The following NFIA variants were observed in gnomAD, a reference collection of about 807,000 sequenced individuals.
NFIA encodes the protein nuclear factor I A.
A neutral mutation model predicts 62.8 loss-of-function variants in NFIA; 8 were observed. The observed-to-expected ratio is 0.13, with a 90% CI of 0.07 to 0.23. The LOEUF is 0.23. Among genes scored for constraint, NFIA ranks in the 10% least tolerant of loss-of-function variants. The pLI is 1.00. For missense variants in NFIA, 410 were observed against 642.1 expected (o/e 0.64, Z 3.91); for synonymous variants, 235 against 238.1 (o/e 0.99, Z 0.12).
At chr1:61,273,921 A>C (rs1657659676) in intron 2 of NFIA, among the ~76,000 whole-genome samples, 1 of 152,194 alleles carries the variant, frequency 6.6e-6, no homozygotes, top group Admixed American at 6.5e-5. Flanking sequence ...TTACCATACT[A>C]ACATGTTTTT....
At chr1:61,225,420 T>C (rs554635389) in intron 2 of NFIA, among the ~76,000 whole-genome samples, 2 of 152,162 alleles carry the variant, frequency 1.3e-5, no homozygotes, top group South Asian at 4.2e-4. Context: ...CCAGCTAATT[T>C]TTGTATTTTT....
intron 6 of NFIA, among the ~76,000 whole-genome samples, chr1:61,379,379 C>T (rs1664297953): frequency 6.7e-6 from 1 of 149,138 alleles, no homozygotes; most frequent in Non-Finnish European, 1.5e-5. Context: ...TATACCACCA[C>T]ACTCAGCTAA....
chr1:61,329,933 C>G (rs1490115841), intron 3 of NFIA, among the ~76,000 whole-genome samples: 1 of 152,112 alleles, frequency 6.6e-6, no homozygotes, highest in Non-Finnish European at 1.5e-5. Flanking sequence ...GGTCCTGAGC[C>G]ACAGTCGCAG....
chr1:61,424,385 T>TA (rs1489302571), intron 9 of NFIA, among the ~76,000 whole-genome samples: 2 of 150,704 alleles, frequency 1.3e-5, no homozygotes, highest in Non-Finnish European at 3.0e-5. Flanking sequence ...TGGGATCAGT[T>TA]AGCATGCTTG....
At chr1:61,213,743 C>G (rs1348461145) in intron 2 of NFIA, among the ~76,000 whole-genome samples, 2 of 152,148 alleles carry the variant, frequency 1.3e-5, no homozygotes, top group Admixed American at 1.3e-4. Flanking sequence ...TACCAACAAC[C>G]TTGCGATCCG....
intron 2 of NFIA, among the ~76,000 whole-genome samples, chr1:61,168,909 T>C (rs969062126): frequency 2.0e-5 from 3 of 152,206 alleles, no homozygotes; most frequent in Non-Finnish European, 4.4e-5. Flanking sequence ...TGGAAGGCCC[T>C]AAGTTTGTTT....
Position 61,406,716 on chromosome 1 carries a change from C to A in NFIA, c.1409C>A (p.Pro470His). 6.2e-7 allele frequency: 1 copy of A among 1,608,528 alleles called. No homozygotes were observed. The highest frequency in any genetic ancestry group is 1.1e-5 in the South Asian group (1 of 89,608). The change falls in exon 9 of 11, where the codon CCC becomes CAC. Residue 470 changes from proline (P) to histidine (H), a missense_variant. Pro to His is a moderately conservative substitution (Grantham distance 77). Coordinates refer to ENST00000403491, the MANE Select transcript of NFIA (RefSeq NM_001134673.4). The stretch of plus-strand genomic sequence containing the variant: ...TCAACAGAAGGAGGTGCAGCCTCCC[C>A]CACGTCACCAAGTAAGTATGGCTGC... ...TTSTEGGAASPTSPTYSTPST... is the reference protein window; with the variant it reads ...TTSTEGGAASHTSPTYSTPST...
At chr1:61,445,271 G>A (rs985867764) in intron 10 of NFIA, among the ~76,000 whole-genome samples, 11 of 152,108 alleles carry the variant, frequency 7.2e-5, no homozygotes, top group African/African-American at 1.4e-4. Context: ...GGCCCTTCAC[G>A]GAGACTGTCA....
intron 2 of NFIA, among the ~76,000 whole-genome samples, chr1:61,184,965 CTCTGTG>C (rs1651054829): frequency 6.6e-6 from 1 of 152,238 alleles, no homozygotes; most frequent in South Asian, 2.1e-4. Context: ...AAAGTTCCAT[CTCTGTG>C]TCTGAGCAGA....
rs764474973 is a variant in NFIA at position 61,110,321 on chromosome 1, G to A, written c.559+21641G>A. Among the ~76,000 whole-genome samples the A allele has an allele frequency of 9.6e-4, 146 of 151,588 alleles. 1 individual carries two copies. Among genetic ancestry groups the A allele is most frequent in the Non-Finnish European group, 1.7e-3 (117 of 67,832 alleles). On this transcript the variant is annotated intron_variant, in intron 2 of 10. Transcript: ENST00000403491. ...GTCAAAGAGTAACCCAGTGCTTGTC[G>A]AGGGGTAAAGGTATCATTTTTATGC...
At chr1:61,168,087 T>G (rs918866998) in intron 2 of NFIA, among the ~76,000 whole-genome samples, 2 of 152,178 alleles carry the variant, frequency 1.3e-5, no homozygotes, top group Non-Finnish European at 2.9e-5. Context: ...GAGCTTTTTT[T>G]GTGTTACTTT....
intron 2 of NFIA, among the ~76,000 whole-genome samples, chr1:61,090,236 G>T (rs1186760265): frequency 6.6e-6 from 1 of 152,122 alleles, no homozygotes; most frequent in African/African-American, 2.4e-5. Context: ...AAAAGTATAG[G>T]TGTTACAGGT....
chr1:61,093,491 G>A (rs886163960), intron 2 of NFIA, among the ~76,000 whole-genome samples: 3 of 151,958 alleles, frequency 2.0e-5, no homozygotes, highest in African/African-American at 7.3e-5. Context: ...ATTGATATAT[G>A]GCATATTTTT....
At chr1:61,437,171 C>CT (rs1667366464) in intron 10 of NFIA, among the ~76,000 whole-genome samples, 1 of 152,160 alleles carries the variant, frequency 6.6e-6, no homozygotes, top group African/African-American at 2.4e-5. Flanking sequence ...CTCCTGTTGC[C>CT]TTGACTAGTG....
chr1:61,300,103 T>A (rs552305490), intron 3 of NFIA, among the ~76,000 whole-genome samples: 1 of 152,086 alleles, frequency 6.6e-6, no homozygotes, highest in Non-Finnish European at 1.5e-5. Flanking sequence ...AAAAAAATTT[T>A]TTTAACTTGT....
chr1:61,409,702 C>G (rs1277589786), intron 9 of NFIA, among the ~76,000 whole-genome samples: 1 of 152,204 alleles, frequency 6.6e-6, no homozygotes. Flanking sequence ...GCTGGCAGGA[C>G]TAGACCACAG....
Position 61,458,978 on chromosome 1 carries a change from TTTTG to T in NFIA, c.*3661_*3664del, listed in dbSNP as rs1668423262. ...AAGTATTAAATACACGAAGTTACAT[TTTTG>T]TTCATGTTTCATTGTCCAGAAAGCA... is the stretch of plus-strand genomic sequence containing the variant. On this transcript the variant is annotated 3_prime_UTR_variant, in exon 11 of 11. Transcript: ENST00000403491. 1.3e-5 allele frequency: 2 copies of T among 152,156 alleles called. No individual in the cohort carries two copies. The highest frequency in any genetic ancestry group is 1.3e-4 in the Admixed American group (2 of 15,280). 9.4% of individuals were successfully genotyped at this position (152,156 alleles called of 1,614,324 possible).
At chr1:61,276,831 TTAATTC>T (rs1486308913) in intron 2 of NFIA, among the ~76,000 whole-genome samples, 1 of 152,178 alleles carries the variant, frequency 6.6e-6, no homozygotes, top group Non-Finnish European at 1.5e-5. Context: ...TAAAAAATGT[TTAATTC>T]TATAGAGGTG....
chr1:61,395,780 G>A (rs72913889), intron 7 of NFIA, among the ~76,000 whole-genome samples: 1,637 of 152,264 alleles, frequency 0.011, 34 homozygotes, highest in African/African-American at 0.037. Flanking sequence ...GGCTGGGGCT[G>A]TATTTCACAG....
Sources: allele counts gnomAD v4.1 joint callset (sites outside exome capture counted in the v4.1 genomes callset), GRCh38; gene constraint gnomAD v4.1.1; transcripts MANE v1.5; gene names NCBI Gene and HGNC (gene_info 2026-07-23, HGNC 2026-07-21).